The following RBFOX1 variants were observed in gnomAD, a reference collection of about 807,000 sequenced individuals.
The protein encoded by RBFOX1 is RNA binding protein fox-1 homolog 1.
A neutral mutation model predicts 57.7 loss-of-function variants in RBFOX1; 8 were observed. That is an observed-to-expected ratio of 0.14 (90% confidence interval 0.08 to 0.25). The LOEUF (loss-of-function observed/expected upper bound fraction) is 0.25. Among genes scored for constraint, RBFOX1 ranks in the 10% least tolerant of loss-of-function variants. The pLI, the probability that RBFOX1 is intolerant of heterozygous loss-of-function variation, is 1.00. For missense variants in RBFOX1, 611 were observed against 548.5 expected, an observed-to-expected ratio of 1.11 and a Z score of -1.14; for synonymous variants, 326 against 222.4, an observed-to-expected ratio of 1.47 and a Z score of -4.15.
chr16:5,933,439 C>G (rs2059108164), intron 4 of RBFOX1, among the ~76,000 whole-genome samples: 1 of 152,180 alleles, frequency 6.6e-6, no homozygotes, highest in South Asian at 2.1e-4. Context: ...CAGCCTGATC[C>G]TTGGCCCGTT....
chr16:5,721,815 G>T (rs934290539), intron 3 of RBFOX1, among the ~76,000 whole-genome samples: 1 of 152,080 alleles, frequency 6.6e-6, no homozygotes, highest in East Asian at 1.9e-4. Flanking sequence ...GGAAACCTTC[G>T]CAAAGGGCTT....
intron 3 of RBFOX1, among the ~76,000 whole-genome samples, chr16:7,003,042 G>C (rs1188693901): frequency 6.6e-6 from 1 of 150,980 alleles, no homozygotes. Context: ...TTTTTTCTCT[G>C]TTGTGTTTGG....
chr16:6,121,577 G>C (rs560349207), intron 1 of RBFOX1, among the ~76,000 whole-genome samples: 1 of 152,160 alleles, frequency 6.6e-6, no homozygotes, highest in Non-Finnish European at 1.5e-5. Context: ...CTTGTACACT[G>C]TGCCTGCCTT....
chr16:6,436,115 A>G (rs1597220169), intron 2 of RBFOX1, among the ~76,000 whole-genome samples: 1 of 152,320 alleles, frequency 6.6e-6, no homozygotes, highest in Non-Finnish European at 1.5e-5. Context: ...TGTGGTGAAT[A>G]CTTTAAAAAA....
chr16:5,320,394 A>T (rs2064369776), intron 1 of RBFOX1, among the ~76,000 whole-genome samples: 1 of 152,224 alleles, frequency 6.6e-6, no homozygotes, highest in South Asian at 2.1e-4. Context: ...AGAGATTGTG[A>T]TGAGTGAGTT....
intron 2 of RBFOX1, among the ~76,000 whole-genome samples, chr16:6,350,572 C>T (rs918479235): frequency 6.9e-5 from 10 of 144,854 alleles, no homozygotes; most frequent in African/African-American, 2.6e-4. Flanking sequence ...GTTTATTTAA[C>T]TAAGGTGATG....
chr16:7,244,736 G>A (rs776055052), intron 4 of RBFOX1, among the ~76,000 whole-genome samples: 2 of 152,164 alleles, frequency 1.3e-5, no homozygotes, highest in Admixed American at 6.5e-5. Flanking sequence ...TGTAAAGATC[G>A]GAGGTATTAA....
chr16:5,577,769 G>A (rs566630012), intron 2 of RBFOX1, among the ~76,000 whole-genome samples: 29 of 152,276 alleles, frequency 1.9e-4, no homozygotes, highest in Non-Finnish European at 1.5e-4. Context: ...CTAAAAAGTC[G>A]TGTTCACACC....
chr16:5,721,625 T>C (rs1431849896), intron 3 of RBFOX1, among the ~76,000 whole-genome samples: 1 of 152,218 alleles, frequency 6.6e-6, no homozygotes, highest in Non-Finnish European at 1.5e-5. Context: ...CCTTTATAAT[T>C]TTGAAAACAT....
intron 2 of RBFOX1, among the ~76,000 whole-genome samples, chr16:6,343,525 G>A (rs915822962): frequency 6.6e-6 from 1 of 152,186 alleles, no homozygotes; most frequent in African/African-American, 2.4e-5. Flanking sequence ...CATATTTCCT[G>A]TTCTCTTTCA....
At position 5,883,689 on chromosome 16, in the gene RBFOX1, G is replaced by A. The variant is rs374763065; in HGVS notation, c.351+16354G>A. 2.6e-5 allele frequency among the ~76,000 whole-genome samples: 4 copies of A among 152,012 alleles called. No homozygotes were observed. The East Asian group carries it at 7.8e-4, about 29-fold the overall frequency. On this transcript the variant is annotated intron_variant, in intron 4 of 19. Coordinates refer to the RBFOX1 transcript ENST00000641259. ...TTCAGCTAACGACTCTTTCTTTCTT[G>A]TTCTGAGTAGAACACAAGCCTTATA...
intron 2 of RBFOX1, among the ~76,000 whole-genome samples, chr16:6,493,431 C>T (rs1022696683): frequency 1.3e-5 from 2 of 152,150 alleles, no homozygotes; most frequent in African/African-American, 2.4e-5. Context: ...GATCCTTATC[C>T]TCCCAGCTGT....
At chr16:5,470,993 A>G (rs1030124916) in intron 2 of RBFOX1, among the ~76,000 whole-genome samples, 2 of 152,294 alleles carry the variant, frequency 1.3e-5, no homozygotes, top group African/African-American at 4.8e-5. Context: ...CTGGGATGAC[A>G]GGTGCCTGCC....
At chr16:6,637,482 A>C (rs1257041656) in intron 2 of RBFOX1, among the ~76,000 whole-genome samples, 1 of 60,318 alleles carries the variant, frequency 1.7e-5, no homozygotes, top group Non-Finnish European at 3.4e-5. Flanking sequence ...TATATATAAT[A>C]TCCTATATAT....
intron 3 of RBFOX1, among the ~76,000 whole-genome samples, chr16:5,762,686 T>C (rs532327769): frequency 6.6e-6 from 1 of 152,178 alleles, no homozygotes; most frequent in South Asian, 2.1e-4. Context: ...AAAATTCCAA[T>C]AACGGGGAAA....
intron 3 of RBFOX1, among the ~76,000 whole-genome samples, chr16:6,824,437 A>T (rs572664024): frequency 2.0e-5 from 3 of 152,224 alleles, no homozygotes; most frequent in East Asian, 1.9e-4. Context: ...CTTACTGTCA[A>T]GGCAACTCAA....
intron 3 of RBFOX1, among the ~76,000 whole-genome samples, chr16:6,962,446 A>G (rs1020721804): frequency 2.2e-4 from 33 of 152,248 alleles, no homozygotes; most frequent in African/African-American, 7.2e-4. Context: ...TGTTACATAT[A>G]TGACATTTCC....
chr16:5,623,593 G>C (rs1220126553), intron 3 of RBFOX1, among the ~76,000 whole-genome samples: 2 of 149,822 alleles, frequency 1.3e-5, no homozygotes, highest in Non-Finnish European at 3.0e-5. Context: ...TAAAGCCTCT[G>C]ATAAATTCTC....
At chr16:6,597,743 G>T (rs2097791531) in intron 2 of RBFOX1, among the ~76,000 whole-genome samples, 1 of 152,112 alleles carries the variant, frequency 6.6e-6, no homozygotes, top group African/African-American at 2.4e-5. Flanking sequence ...AAGTCCACAG[G>T]AAAGGTAGCC....
Sources: gnomAD v4.1 joint callset for allele counts (sites outside exome capture counted in the v4.1 genomes callset) on GRCh38, gnomAD v4.1.1 for gene constraint, MANE v1.5 for transcripts, NCBI Gene and HGNC (gene_info 2026-07-23, HGNC 2026-07-21) for gene names.